Variants in MTHFS observed in about 807,000 individuals in gnomAD.
MTHFS encodes the protein 5-formyltetrahydrofolate cyclo-ligase.
In MTHFS, 7 loss-of-function variants were observed where a neutral mutation model predicts 12.7. The ratio of observed to expected loss-of-function variants is 0.55; its 90% CI spans 0.31 to 1.03. The LOEUF (loss-of-function observed/expected upper bound fraction) is 1.03, where lower values mean the gene tolerates loss of function less well. Ranked by LOEUF, MTHFS falls within the 50% of genes least tolerant of loss-of-function variation. The pLI is 0.05. For synonymous variants in MTHFS, 100 were observed against 97.1 expected (o/e 1.03, Z -0.18); for missense variants, 252 against 258.1 (o/e 0.98, Z 0.16).
chr15:79,871,348 A>T (rs2034101336), intron 2 of MTHFS, among the ~76,000 whole-genome samples: 1 of 152,166 alleles, frequency 6.6e-6, no homozygotes, highest in Admixed American at 6.5e-5. Flanking sequence ...TTGTCTCCCA[A>T]AAACATGATG....
chr15:79,860,623 T>C (rs1173223529), intron 2 of MTHFS, among the ~76,000 whole-genome samples: 4 of 152,050 alleles, frequency 2.6e-5, no homozygotes, highest in Non-Finnish European at 5.9e-5. Flanking sequence ...ATAAGTAGTG[T>C]ATTTTAACCA....
rs375853176 is a variant in MTHFS, at chr15:79,872,532, T to TAGCCCAGAGTC, written c.379+16550_379+16560dup. ...CAGAGTAGGGCTAGCGCTCAGGCAG[T>TAGCCCAGAGTC]AGCCCAGAGTCAGCAAGGCAGGGGC... On this transcript the variant is annotated intron_variant, in intron 2 of 2. Transcript: ENST00000258874. Among the ~76,000 whole-genome samples the TAGCCCAGAGTC allele has an allele frequency of 2.7e-3, 410 of 152,344 alleles. 3 individuals carry two copies. The highest frequency in any genetic ancestry group is 9.5e-3 in the African/African-American group (395 of 41,576).
At chr15:79,894,750 T>C (rs1261902293) in intron 1 of MTHFS, among the ~76,000 whole-genome samples, 1 of 152,194 alleles carries the variant, frequency 6.6e-6, no homozygotes, top group Non-Finnish European at 1.5e-5. Flanking sequence ...GCTCTAAATT[T>C]TGGAATCACT....
rs201467312 is a variant in MTHFS at position 79,845,307 on chromosome 15, G to A, written c.515C>T (p.Ala172Val). The A allele has an allele frequency of 8.4e-5, 136 of 1,613,974 alleles. No individual in the cohort carries two copies. Among genetic ancestry groups the A allele is most frequent in the Admixed American group, 3.2e-4 (19 of 59,994 alleles). ...GCAAATCTGTTCTTTGAAAGCCAAC[G>A]CCAGGGTGTAGGGCTTCACTTCCTG... ...QHQEVKPYTL[A>V]LAFKEQICLQ... The change falls in exon 3 of 3, where the codon GCG becomes GTG. Residue 172 changes from alanine to valine, a missense_variant. Ala to Val is a moderately conservative substitution (Grantham distance 64). Coordinates refer to ENST00000258874, the MANE Select transcript of MTHFS (RefSeq NM_006441.4).
intron 2 of MTHFS, among the ~76,000 whole-genome samples, chr15:79,850,358 G>A (rs920892970): frequency 2.6e-5 from 4 of 152,190 alleles, no homozygotes. Flanking sequence ...AACCAGGGGA[G>A]AATGAGGTTA....
intron 2 of MTHFS, among the ~76,000 whole-genome samples, chr15:79,864,311 G>A (rs983630505): frequency 6.6e-6 from 1 of 152,064 alleles, no homozygotes; most frequent in Non-Finnish European, 1.5e-5. Context: ...CTGGGAGGCT[G>A]AGGTGGGCGA....
chr15:79,854,406 C>A (rs755213492), intron 2 of MTHFS, among the ~76,000 whole-genome samples: 1 of 152,162 alleles, frequency 6.6e-6, no homozygotes, highest in Admixed American at 6.6e-5. Flanking sequence ...TGGATGTGCA[C>A]TGGGGGCGAG....
intron 2 of MTHFS, among the ~76,000 whole-genome samples, chr15:79,886,886 T>G (rs985696080): frequency 1.3e-5 from 2 of 152,224 alleles, no homozygotes; most frequent in African/African-American, 4.8e-5. Flanking sequence ...CTGACTTCCT[T>G]GCTTAAAATT....
At chr15:79,846,906 G>C (rs938262140) in intron 2 of MTHFS, among the ~76,000 whole-genome samples, 3 of 152,224 alleles carry the variant, frequency 2.0e-5, no homozygotes, top group Non-Finnish European at 4.4e-5. Flanking sequence ...CCTCTTTACA[G>C]TATGGCAAGG....
chr15:79,877,773 T>C (rs1172719372), intron 2 of MTHFS: 1 of 151,436 alleles, frequency 6.6e-6, no homozygotes, highest in Non-Finnish European at 1.5e-5. Context: ...TAACTTATTA[T>C]AAAAAGGGAA....
In MTHFS at chr15:79,878,805, G is replaced by T. The variant is rs546944665; in HGVS notation, c.379+10288C>A. 2.6e-5 allele frequency among the ~76,000 whole-genome samples: 4 copies of T among 151,672 alleles called. No homozygotes were observed. In the East Asian group the frequency reaches 7.7e-4, roughly 29 times the overall value. On this transcript the variant is annotated intron_variant, in intron 2 of 2. Coordinates refer to ENST00000258874, the MANE Select transcript of MTHFS (RefSeq NM_006441.4). ...TTATCAAGACTTTTCCTGGGTTTCA[G>T]CTGTGCTTGTTGCTGCCTCTGGGAC...
chr15:79,880,794 AAAAAAAAAAC>A (rs1210408117), intron 2 of MTHFS, among the ~76,000 whole-genome samples: 1 of 143,824 alleles, frequency 7.0e-6, no homozygotes, highest in East Asian at 2.1e-4. Context: ...AGTAAAGCAA[AAAAAAAAAAC>A]AAACAAAAAA....
At chr15:79,896,809 CGCT>C (rs2034584536) in intron 1 of MTHFS, 60 bp downstream of exon 1, 1 of 1,514,016 alleles carries the variant, frequency 6.6e-7, no homozygotes, top group Non-Finnish European at 8.8e-7. Context: ...GATCAGCAAT[CGCT>C]GGCCGCCAGG....
chr15:79,855,659 C>T (rs1479003960), intron 2 of MTHFS, among the ~76,000 whole-genome samples: 1 of 152,116 alleles, frequency 6.6e-6, no homozygotes, highest in Non-Finnish European at 1.5e-5. Flanking sequence ...CTGATCCTTT[C>T]CCTTCTCCCA....
intron 2 of MTHFS, among the ~76,000 whole-genome samples, chr15:79,853,632 A>C (rs998858359): frequency 6.6e-6 from 1 of 152,220 alleles, no homozygotes. Context: ...AAGAGCTATC[A>C]TGCAGATTTC....
intron 2 of MTHFS, among the ~76,000 whole-genome samples, chr15:79,870,042 G>A (rs1376806025): frequency 6.6e-6 from 1 of 152,092 alleles, no homozygotes; most frequent in Non-Finnish European, 1.5e-5. Context: ...TGAAAGAGAT[G>A]ACTAAATACC....
At chr15:79,864,129 GATA>G (rs1296098307) in intron 2 of MTHFS, among the ~76,000 whole-genome samples, 2 of 152,178 alleles carry the variant, frequency 1.3e-5, no homozygotes, top group Middle Eastern at 3.2e-3. Flanking sequence ...GTGAAAATGA[GATA>G]ATAACATAGT....
intron 2 of MTHFS, among the ~76,000 whole-genome samples, chr15:79,880,097 T>A (rs1346800466): frequency 6.6e-6 from 1 of 152,124 alleles, no homozygotes; most frequent in African/African-American, 2.4e-5. Context: ...TAAGACGGAG[T>A]CTCGCTCTGT....
chr15:79,885,282 A>G (rs1222399415), intron 2 of MTHFS, among the ~76,000 whole-genome samples: 1 of 152,224 alleles, frequency 6.6e-6, no homozygotes, highest in African/African-American at 2.4e-5. Flanking sequence ...CGTTGTGATC[A>G]TTAAGTTATG....
Sources: gnomAD v4.1 joint callset for allele counts (sites outside exome capture counted in the v4.1 genomes callset) on GRCh38, gnomAD v4.1.1 for gene constraint, MANE v1.5 for transcripts, NCBI Gene and HGNC (gene_info 2026-07-23, HGNC 2026-07-21) for gene names.